SLC12A4: variants seen among roughly 807,000 people sequenced by gnomAD.
The protein encoded by SLC12A4 is solute carrier family 12 member 4.
SLC12A4 carries 84 observed loss-of-function variants against 119.2 expected under a neutral mutation model. The ratio of observed to expected loss-of-function variants is 0.70; its 90% confidence interval spans 0.59 to 0.85. SLC12A4 has a LOEUF of 0.85. Among genes scored for constraint, SLC12A4 ranks in the 40% least tolerant of loss-of-function variants. SLC12A4 has a pLI of 0.00. For missense variants in SLC12A4, 1,298 were observed against 1,476.3 expected (o/e 0.88, Z 1.98); for synonymous variants, 599 against 604.6 (o/e 0.99, Z 0.14).
At position 67,960,834 on chromosome 16, in the gene SLC12A4, C is replaced by T. The variant is rs3785099; in HGVS notation, c.342+741G>A. Reference sequence around the variant, plus strand: ...AGGGCCAGAGAACTGGATTAGTGACCAAAAAGTGGGACAGGAAAGCCCCAC... The same window carrying T: ...AGGGCCAGAGAACTGGATTAGTGACTAAAAAGTGGGACAGGAAAGCCCCAC... On this transcript the variant is annotated intron_variant, in intron 3 of 23. Coordinates refer to ENST00000316341, the MANE Select transcript of SLC12A4 (RefSeq NM_005072.5). 1.1e-4 allele frequency among the ~76,000 whole-genome samples: 16 copies of T among 151,844 alleles called. No individual in the cohort carries two copies. In the East Asian group the frequency reaches 2.9e-3, roughly 28 times the overall value.
At chr16:67,960,881 C>T (rs928854522) in intron 3 of SLC12A4, among the ~76,000 whole-genome samples, 7 of 151,990 alleles carry the variant, frequency 4.6e-5, no homozygotes, top group Non-Finnish European at 8.8e-5. Context: ...AGGCTCCGAT[C>T]ACATACACAT....
Position 67,961,586 on chromosome 16 carries a change from T to C in SLC12A4, c.331A>G (p.Arg111Gly), listed in dbSNP as rs752737981. The C allele has an allele frequency of 6.2e-7, 1 of 1,613,498 alleles. No individual in the cohort carries two copies. The highest frequency in any genetic ancestry group is 1.1e-5 in the South Asian group (1 of 91,078). Reference protein sequence around the residue: ...EAESGEGTRRRAAEAPSMGTL... With the variant: ...EAESGEGTRRGAAEAPSMGTL... ...CCCAACCAGCTCACCTCGGCTGCCC[T>C]CCGGCGGGTGCCCTCCCCACTCTCG... Residue 111 changes from arginine to glycine, a missense_variant, in exon 3 of 24, where the codon AGG becomes GGG. Transcript: ENST00000316341.
At chr16:67,964,221 C>T (rs527885205) in intron 1 of SLC12A4, among the ~76,000 whole-genome samples, 1 of 152,184 alleles carries the variant, frequency 6.6e-6, no homozygotes, top group African/African-American at 2.4e-5. Context: ...AAAATGGGAG[C>T]TGGGACTGCT....
At chr16:67,958,127 C>CCACTGGGGGAGGGGG in intron 3 of SLC12A4, 83 bp from the exon 4 acceptor site, 1 of 1,498,222 alleles carries the variant, frequency 6.7e-7, no homozygotes, top group Non-Finnish European at 9.0e-7. Flanking sequence ...TCAGCAGGCC[C>CCACTGGGGGAGGGGG]CCTCCCCCAG....
At chr16:67,963,276 G>C (rs2030680016) in intron 2 of SLC12A4, 189 bp downstream of exon 2, 1 of 386,382 alleles carries the variant, frequency 2.6e-6, no homozygotes, top group Admixed American at 4.9e-5. Flanking sequence ...GTGGGATTGT[G>C]AGTGGCCTCT....
intron 2 of SLC12A4, 39 bp from the exon 3 acceptor site, chr16:67,961,745 G>A (rs1342652159): frequency 6.2e-7 from 1 of 1,611,726 alleles, no homozygotes; most frequent in Non-Finnish European, 8.5e-7. Context: ...CATTGGGCCA[G>A]GTGGGTGCCA....
Position 67,957,506 on chromosome 16 carries a change from C to T in SLC12A4, c.544+236G>A, listed in dbSNP as rs2030332048. 20 of 567,096 alleles carry T rather than the reference C, an allele frequency of 3.5e-5. 1 individual carries two copies. The highest frequency in any genetic ancestry group is 3.4e-4 in the South Asian group (16 of 46,548). 35.1% of individuals were successfully genotyped at this position (567,096 alleles called of 1,614,324 possible). A position where few individuals can be genotyped will look rare whatever the true frequency, so the allele number is the denominator to read the frequency against. On this transcript the variant is annotated intron_variant, in intron 5 of 23. Transcript: ENST00000316341. ...TTCAAACCCTCTTACAGTAAACATACATTGCCCTTTTTTTTTCTTTTTTGG... is the reference window on the plus strand; with the variant it reads ...TTCAAACCCTCTTACAGTAAACATATATTGCCCTTTTTTTTTCTTTTTTGG...
chr16:67,949,760 G>T lies in SLC12A4; in HGVS notation c.1748+40C>A. The T allele has an allele frequency of 7.2e-7, 1 of 1,394,404 alleles. No homozygotes were observed. The highest frequency in any genetic ancestry group is 1.0e-6 in the Non-Finnish European group (1 of 1,000,010). The allele number at this position is 1,394,404 out of a possible 1,614,324, so 86.4% of individuals were successfully genotyped here. ...ACGGGGAGGTGCTGGGGTTCAGGAA[G>T]CCTTTCCCCATCCCCCTGCCCTGCC... On this transcript the variant is annotated intron_variant, in intron 13 of 23. Transcript: ENST00000316341. The surrounding 1 kb of genome is among the most constrained non-coding windows in gnomAD (Gnocchi z 4.6).
chr16:67,949,996 C>T lies in SLC12A4; in HGVS notation c.1630-78G>A, dbSNP rs1005645500. 2.5e-6 allele frequency: 3 copies of T among 1,199,888 alleles called. No homozygotes were observed. Among genetic ancestry groups the T allele is most frequent in the African/African-American group, 3.0e-5 (2 of 65,954 alleles). 74.3% of individuals were successfully genotyped at this position (1,199,888 alleles called of 1,614,324 possible). A position where few individuals can be genotyped will look rare whatever the true frequency, so the allele number is the denominator to read the frequency against. On this transcript the variant is annotated intron_variant, in intron 12 of 23. Transcript: ENST00000316341. The surrounding 1 kb of genome is among the most constrained non-coding windows in gnomAD (Gnocchi z 4.6). The stretch of plus-strand genomic sequence containing the variant: ...GGCCCCAGACCCCAGCCTGGCCTCC[C>T]TCACCCCCAGGGCCCGCCTTGGGGG...
In SLC12A4 at chr16:67,945,467, G is replaced by T; in HGVS notation, c.2934C>A (p.Asp978Glu). 1 of 1,614,112 alleles carries T rather than the reference G, an allele frequency of 6.2e-7. No homozygotes were observed. The highest frequency in any genetic ancestry group is 8.5e-7 in the Non-Finnish European group (1 of 1,180,012). Residue 978 changes from aspartate (D) to glutamate (E), a missense_variant, in exon 22 of 24, where the codon GAC becomes GAA. Physicochemically the swap from Asp to Glu is conservative, Grantham distance 45. Transcript: ENST00000316341. Reference sequence around the variant, plus strand: ...CCCTGGTCCACGTCATCTGGATCTTGTCAGCCCCCACTGCAGACTCATCTT... The same window carrying T: ...CCCTGGTCCACGTCATCTGGATCTTTTCAGCCCCCACTGCAGACTCATCTT... ...DEEDESAVGA[D>E]KIQMTWTRDK...
chr16:67,959,004 G>T, intron 3 of SLC12A4, among the ~76,000 whole-genome samples: 1 of 152,128 alleles, frequency 6.6e-6, no homozygotes, highest in South Asian at 2.1e-4. Flanking sequence ...CTTGTTTATG[G>T]TTCTATCACC....
chr16:67,943,868 G>T lies in SLC12A4; in HGVS notation c.*972C>A. 2 of 1,349,478 alleles carry T rather than the reference G, an allele frequency of 1.5e-6. No homozygotes were observed. Among genetic ancestry groups the T allele is most frequent in the Non-Finnish European group, 2.0e-6 (2 of 990,964 alleles). 83.6% of individuals were successfully genotyped at this position (1,349,478 alleles called of 1,614,324 possible). A position where few individuals can be genotyped will look rare whatever the true frequency, so the allele number is the denominator to read the frequency against. On this transcript the variant is annotated 3_prime_UTR_variant, in exon 24 of 24. Transcript: ENST00000316341. The surrounding 1 kb of genome is among the most constrained non-coding windows in gnomAD (Gnocchi z 4.6). ...GGCTTATGCAGGGCAGAAGGGCTTT[G>T]GCCAGGTCAGCTGCCAGGGGCTGGG... is the stretch of plus-strand genomic sequence containing the variant.
rs376716310 is a variant in SLC12A4 at position 67,949,187 on chromosome 16, C to T, written c.1748+613G>A. 6.6e-6 allele frequency among the ~76,000 whole-genome samples: 1 copy of T among 152,194 alleles called. No homozygotes were observed. The highest frequency in any genetic ancestry group is 1.5e-5 in the Non-Finnish European group (1 of 68,034). On this transcript the variant is annotated intron_variant, in intron 13 of 23. Coordinates refer to ENST00000316341, the MANE Select transcript of SLC12A4 (RefSeq NM_005072.5). The surrounding 1 kb of genome is among the most constrained non-coding windows in gnomAD (Gnocchi z 4.6). ...TGGATGGGTTGGGCATGGTGGCTCA[C>T]GCCTGTAATCCCAGCACTTTGGGAG...
chr16:67,957,699 G>A, intron 5 of SLC12A4, 43 bp downstream of exon 5: 1 of 1,610,484 alleles, frequency 6.2e-7, no homozygotes, highest in South Asian at 1.1e-5. Flanking sequence ...GCAGATACTG[G>A]GTCCTTTTCT....
Position 67,947,063 on chromosome 16 carries a change from G to A in SLC12A4, c.2115C>T (p.His705=), listed in dbSNP as rs775677004. ...LVLLKLDEDL[H]VKYPRLLTFA... ...AGGTGAGGAGCCGCGGGTACTTCAC[G>A]TGGAGGTCCTCGTCCAGCTTCAGCA... Residue 705 remains histidine, a synonymous_variant, in exon 17 of 24, where the codon CAC becomes CAT. Coordinates refer to ENST00000316341, the MANE Select transcript of SLC12A4 (RefSeq NM_005072.5). 1.2e-5 allele frequency: 19 copies of A among 1,610,316 alleles called. 1 individual carries two copies. Among genetic ancestry groups the A allele is most frequent in the South Asian group, 1.1e-4 (10 of 90,834 alleles).
At position 67,968,630 on chromosome 16, in the gene SLC12A4, G is replaced by A; in HGVS notation, c.-77C>T. ...CCCGCCGCTGTCCCCGCCGCCCCGG[G>A]CCGACACGCCCCGCCCGCTCGCATT... On this transcript the variant is annotated 5_prime_UTR_variant, in exon 1 of 24. Coordinates refer to ENST00000316341, the MANE Select transcript of SLC12A4 (RefSeq NM_005072.5). 6 of 1,308,448 alleles carry A rather than the reference G, an allele frequency of 4.6e-6. No homozygotes were observed. Among genetic ancestry groups the A allele is most frequent in the Non-Finnish European group, 5.8e-6 (6 of 1,035,832 alleles). 81.1% of individuals were successfully genotyped at this position (1,308,448 alleles called of 1,614,324 possible).
In SLC12A4 at chr16:67,944,269, G is replaced by A; in HGVS notation, c.*571C>T. 10 of 1,422,086 alleles carry A rather than the reference G, an allele frequency of 7.0e-6. No individual in the cohort carries two copies. The highest frequency in any genetic ancestry group is 9.2e-6 in the Non-Finnish European group (10 of 1,089,484). The allele number at this position is 1,422,086 out of a possible 1,614,324, so 88.1% of individuals were successfully genotyped here. ...CCTCAGGGAGCCGGCTCTGGGCCTG[G>A]GTTCAGTTCCGCCTTCTTCTCTTGG... On this transcript the variant is annotated 3_prime_UTR_variant, in exon 24 of 24. Transcript: ENST00000316341. This position sits in a 1 kb window ranked among gnomAD's most constrained non-coding sequence, Gnocchi z 6.6.
At position 67,944,163 on chromosome 16, in the gene SLC12A4, G is replaced by A; in HGVS notation, c.*677C>T. ...TGGGCTGTCCTTATCTGGTGTGGGAGTGGGAGGGGCCCTAGGGCCAGTGGG... is the reference window on the plus strand; with the variant it reads ...TGGGCTGTCCTTATCTGGTGTGGGAATGGGAGGGGCCCTAGGGCCAGTGGG... On this transcript the variant is annotated 3_prime_UTR_variant, in exon 24 of 24. Transcript: ENST00000316341. The surrounding 1 kb of genome is among the most constrained non-coding windows in gnomAD (Gnocchi z 6.6). 6.6e-7 allele frequency: 1 copy of A among 1,523,414 alleles called. No homozygotes were observed. Among genetic ancestry groups the A allele is most frequent in the Non-Finnish European group, 8.9e-7 (1 of 1,128,490 alleles). 94.4% of individuals were successfully genotyped at this position (1,523,414 alleles called of 1,614,324 possible).
rs2058413535 is a variant in SLC12A4, at chr16:67,951,296, A to G, written c.1141T>C (p.Trp381Arg). ...AAAGVLQENL[W>R]SAYLEKGDIV... ...TCACCCTTCTCCAGGTAGGCGCTCC[A>G]CAGGTTTTCTGCAGGGGTAGCTGTG... is the stretch of plus-strand genomic sequence containing the variant. Residue 381 changes from tryptophan (W) to arginine (R), a missense_variant, in exon 9 of 24, where the codon TGG becomes CGG. Transcript: ENST00000316341. The surrounding 1 kb of genome is among the most constrained non-coding windows in gnomAD (Gnocchi z 5.2). 6.2e-7 allele frequency: 1 copy of G among 1,613,120 alleles called. No individual in the cohort carries two copies. Among genetic ancestry groups the G allele is most frequent in the Non-Finnish European group, 8.5e-7 (1 of 1,179,438 alleles).
Sources: gnomAD v4.1 joint callset for allele counts (sites outside exome capture counted in the v4.1 genomes callset) on GRCh38, gnomAD v4.1.1 for gene constraint, Gnocchi (gnomAD v3.1) non-coding constraint, MANE v1.5 for transcripts, NCBI Gene and HGNC (gene_info 2026-07-23, HGNC 2026-07-21) for gene names.